Variants in NCS1 observed in about 807,000 individuals in gnomAD.
NCS1 encodes frequenin homolog.
Under a neutral mutation model 28.4 loss-of-function variants are expected in NCS1, and 6 were observed. That is an observed-to-expected ratio of 0.21 (90% CI 0.12 to 0.42). NCS1 has a LOEUF of 0.42. Ranked by LOEUF, NCS1 falls within the 10% of genes least tolerant of loss-of-function variation. The pLI, the probability that NCS1 is intolerant of heterozygous loss-of-function variation, is 1.00. For missense variants in NCS1, 131 were observed against 241.4 expected, an observed-to-expected ratio of 0.54 and a Z score of 3.03; for synonymous variants, 86 against 99.3, an observed-to-expected ratio of 0.87 and a Z score of 0.79.
intron 2 of NCS1, among the ~76,000 whole-genome samples, chr9:130,211,010 ATTTTTTTTTTTTT>A: frequency 1.1e-5 from 1 of 92,388 alleles, no homozygotes; most frequent in East Asian, 3.1e-4. Flanking sequence ...GGCTCCACTA[ATTTTTTTTTTTTT>A]TTTTTTTTGT....
chr9:130,186,185 G>A lies in NCS1; in HGVS notation c.64+13458G>A, dbSNP rs1291847097. ...ACAGCTGCCTCGTGTTAGGCCCTGC[G>A]GATGCTGGGGCCACAGGGCAGGCTG... On this transcript the variant is annotated intron_variant, in intron 1 of 7. Coordinates refer to ENST00000372398, the MANE Select transcript of NCS1 (RefSeq NM_014286.4). The surrounding 1 kb of genome is among the most constrained non-coding windows in gnomAD (Gnocchi z 4.1). Among the ~76,000 whole-genome samples the A allele has an allele frequency of 1.3e-5, 2 of 152,208 alleles. No individual in the cohort carries two copies. Among genetic ancestry groups the A allele is most frequent in the East Asian group, 1.9e-4 (1 of 5,186 alleles).
In NCS1 at chr9:130,232,508, C is replaced by A. The variant is rs1229452199; in HGVS notation, c.*18-482C>A. On this transcript the variant is annotated intron_variant, in intron 7 of 7. Coordinates refer to ENST00000372398, the MANE Select transcript of NCS1 (RefSeq NM_014286.4). This position sits in a 1 kb window ranked among gnomAD's most constrained non-coding sequence, Gnocchi z 4.4. ...TTATTAAGGATAAATATAGGCTGGG[C>A]ACGGTGGCTCACGCCTGTAATCCCA... Among the ~76,000 whole-genome samples the A allele has an allele frequency of 6.6e-6, 1 of 152,160 alleles. No individual in the cohort carries two copies. The highest frequency in any genetic ancestry group is 1.5e-5 in the Non-Finnish European group (1 of 68,032).
At chr9:130,218,426 AC>A (rs1459888269) in intron 3 of NCS1, among the ~76,000 whole-genome samples, 1 of 152,244 alleles carries the variant, frequency 6.6e-6, no homozygotes, top group Non-Finnish European at 1.5e-5. Flanking sequence ...AGAGACATAT[AC>A]ACATATGCAT....
chr9:130,190,770 C>T (rs527620102), intron 1 of NCS1, among the ~76,000 whole-genome samples: 26 of 152,328 alleles, frequency 1.7e-4, no homozygotes, highest in African/African-American at 6.3e-4. Context: ...TCCATCTCCA[C>T]TCCTCCACCC....
At position 130,191,594 on chromosome 9, in the gene NCS1, C is replaced by G. The variant is rs1832816769; in HGVS notation, c.65-9364C>G. 6.6e-6 allele frequency among the ~76,000 whole-genome samples: 1 copy of G among 152,166 alleles called. No individual in the cohort carries two copies. Among genetic ancestry groups the G allele is most frequent in the African/African-American group, 2.4e-5 (1 of 41,442 alleles). On this transcript the variant is annotated intron_variant, in intron 1 of 7. Transcript: ENST00000372398. This position sits in a 1 kb window ranked among gnomAD's most constrained non-coding sequence, Gnocchi z 6.4. The stretch of plus-strand genomic sequence containing the variant: ...GTGGGCATGGGGCTCCCCTGATGAG[C>G]CCAGGTGCCTCATCCTGAGACAGAT...
chr9:130,208,912 G>A (rs1242655731), intron 2 of NCS1, among the ~76,000 whole-genome samples: 1 of 152,042 alleles, frequency 6.6e-6, no homozygotes, highest in African/African-American at 2.4e-5. Flanking sequence ...GGTCCAGCTC[G>A]CTCTGCCTCC....
At chr9:130,224,313 A>AG (rs1182601559) in intron 6 of NCS1, among the ~76,000 whole-genome samples, 4 of 148,908 alleles carry the variant, frequency 2.7e-5, no homozygotes, top group African/African-American at 9.8e-5. Flanking sequence ...AAAAAAAAAA[A>AG]TCCGGGAGGC....
intron 4 of NCS1, among the ~76,000 whole-genome samples, chr9:130,221,399 TATATATATATATATAGAGAGAGAGAGAG>T (rs1361347947): frequency 2.4e-4 from 12 of 50,008 alleles, no homozygotes; most frequent in African/African-American, 7.6e-4. Context: ...TATATATATA[TATATATATATATATAGAGAGAGAGAGAG>T]AGAGAGAGAG....
At chr9:130,184,381 G>A (rs897455312) in intron 1 of NCS1, among the ~76,000 whole-genome samples, 6 of 152,030 alleles carry the variant, frequency 3.9e-5, no homozygotes, top group South Asian at 2.1e-4. Flanking sequence ...CTTTCCCACC[G>A]AGCCCTCAGA....
chr9:130,220,489 C>T (rs570237887), intron 4 of NCS1, among the ~76,000 whole-genome samples: 1 of 151,894 alleles, frequency 6.6e-6, no homozygotes, highest in Non-Finnish European at 1.5e-5. Flanking sequence ...ATGAGAGGAG[C>T]TGGGGATGAG....
intron 1 of NCS1, among the ~76,000 whole-genome samples, chr9:130,190,054 G>GAGAGAGAGAT (rs1832797966): frequency 6.6e-6 from 1 of 150,614 alleles, no homozygotes; most frequent in Non-Finnish European, 1.5e-5. Flanking sequence ...GAGAGAGAGA[G>GAGAGAGAGAT]AGAGAGAGAG....
chr9:130,177,592 G>C lies in NCS1; in HGVS notation c.64+4865G>C, dbSNP rs782770149. Among the ~76,000 whole-genome samples the C allele has an allele frequency of 5.9e-5, 9 of 152,226 alleles. No homozygotes were observed. The highest frequency in any genetic ancestry group is 8.8e-5 in the Non-Finnish European group (6 of 68,034). On this transcript the variant is annotated intron_variant, in intron 1 of 7. Transcript: ENST00000372398. This position sits in a 1 kb window ranked among gnomAD's most constrained non-coding sequence, Gnocchi z 4.4. The stretch of plus-strand genomic sequence containing the variant: ...GCAGGAGAGACTGAGGTGGACTCTC[G>C]GCATCGGGATGGGCATCTGGGCAAG...
At position 130,216,487 on chromosome 9, in the gene NCS1, G is replaced by A. The variant is rs372349020; in HGVS notation, c.90-1345G>A. 2.0e-3 allele frequency among the ~76,000 whole-genome samples: 302 copies of A among 152,272 alleles called. 1 individual carries two copies. The highest frequency in any genetic ancestry group is 7.0e-3 in the African/African-American group (292 of 41,554). On this transcript the variant is annotated intron_variant, in intron 2 of 7. Transcript: ENST00000372398. ...TCCCAGCACTTTGGGAGGCCGAGGC[G>A]GGCAGATCTCCTGAGGTCAGGGGTT...
Position 130,235,120 on chromosome 9 carries a change from A to ACCCCCCCCCCC in NCS1, c.*2155_*2156insCCCCCCCCCCC, listed in dbSNP as rs5900889. The ACCCCCCCCCCC allele has an allele frequency of 2.0e-5, 3 of 148,510 alleles. No homozygotes were observed. The highest frequency in any genetic ancestry group is 7.6e-5 in the African/African-American group (3 of 39,440). 9.2% of individuals were successfully genotyped at this position (148,510 alleles called of 1,614,324 possible). A position where few individuals can be genotyped will look rare whatever the true frequency, so the allele number is the denominator to read the frequency against. ...AGGACTGCACGCTGGCCCCACGGTA[A>ACCCCCCCCCCC]CCCCCCCTCCCCCACCAACATCCTG... On this transcript the variant is annotated 3_prime_UTR_variant, in exon 8 of 8. Coordinates refer to ENST00000372398, the MANE Select transcript of NCS1 (RefSeq NM_014286.4).
chr9:130,220,550 C>T (rs565174425), intron 4 of NCS1, among the ~76,000 whole-genome samples: 4 of 151,720 alleles, frequency 2.6e-5, no homozygotes, highest in South Asian at 2.1e-4. Context: ...CCCGCGTGTG[C>T]GAGGCCCAGT....
At chr9:130,213,280 T>C (rs1355188068) in intron 2 of NCS1, among the ~76,000 whole-genome samples, 1 of 152,140 alleles carries the variant, frequency 6.6e-6, no homozygotes, top group Non-Finnish European at 1.5e-5. Flanking sequence ...TTCTTTTCTT[T>C]CTTTTTTTTT....
rs782781321 is a variant in NCS1 at position 130,181,850 on chromosome 9, C to T, written c.64+9123C>T. On this transcript the variant is annotated intron_variant, in intron 1 of 7. Coordinates refer to ENST00000372398, the MANE Select transcript of NCS1 (RefSeq NM_014286.4). This position sits in a 1 kb window ranked among gnomAD's most constrained non-coding sequence, Gnocchi z 5.0. ...ATGGCGTGTGTCAGGAGTGGGTGAG[C>T]CGGGCACTCCTGTGCGCACGCGTGT... 6.6e-6 allele frequency among the ~76,000 whole-genome samples: 1 copy of T among 152,048 alleles called. No homozygotes were observed. Among genetic ancestry groups the T allele is most frequent in the Non-Finnish European group, 1.5e-5 (1 of 67,986 alleles).
rs1309670768 is a variant in NCS1, at chr9:130,219,363, G to A, written c.229-362G>A. On this transcript the variant is annotated intron_variant, in intron 3 of 7. Transcript: ENST00000372398. The surrounding 1 kb of genome is among the most constrained non-coding windows in gnomAD (Gnocchi z 5.7). ...CGGCCTTTCCTCTGCAAAAGCCCAT[G>A]AGCCCACAGCTCTAGGCCGAGGGGC... 2.0e-5 allele frequency among the ~76,000 whole-genome samples: 3 copies of A among 152,164 alleles called. No homozygotes were observed. The highest frequency in any genetic ancestry group is 4.4e-5 in the Non-Finnish European group (3 of 68,032).
Position 130,209,617 on chromosome 9 carries a change from C to T in NCS1, c.90-8215C>T, listed in dbSNP as rs1833083623. ...TGGTGGACGAGGGCATTCACCCAGC[C>T]TGGCGCCGTGTTGGGGAAGAGAAGG... On this transcript the variant is annotated intron_variant, in intron 2 of 7. Coordinates refer to ENST00000372398, the MANE Select transcript of NCS1 (RefSeq NM_014286.4). This position sits in a 1 kb window ranked among gnomAD's most constrained non-coding sequence, Gnocchi z 4.4. Among the ~76,000 whole-genome samples the T allele has an allele frequency of 6.6e-6, 1 of 152,212 alleles. No homozygotes were observed. The highest frequency in any genetic ancestry group is 2.1e-4 in the South Asian group (1 of 4,834).
Sources: gnomAD v4.1 joint callset for allele counts (sites outside exome capture counted in the v4.1 genomes callset) on GRCh38, gnomAD v4.1.1 for gene constraint, Gnocchi (gnomAD v3.1) non-coding constraint, MANE v1.5 for transcripts, NCBI Gene and HGNC (gene_info 2026-07-23, HGNC 2026-07-21) for gene names.